Variants in CAMTA1 observed in about 807,000 individuals in gnomAD.
CAMTA1 encodes the protein calmodulin-binding transcription activator 1.
CAMTA1 carries 27 observed loss-of-function variants against 170.9 expected under a neutral mutation model. That is an observed-to-expected ratio of 0.16 (90% CI 0.12 to 0.22). CAMTA1 has a LOEUF of 0.22. CAMTA1 is among the 10% of genes least tolerant of loss of function. The pLI is 1.00. For synonymous variants in CAMTA1, 833 were observed against 891.5 expected (o/e 0.93, Z 1.17); for missense variants, 1,619 against 2,217.2 (o/e 0.73, Z 5.42).
intron 6 of CAMTA1, among the ~76,000 whole-genome samples, chr1:7,513,002 C>A (rs2094223010): frequency 6.6e-6 from 1 of 152,210 alleles, no homozygotes; most frequent in Non-Finnish European, 1.5e-5. Context: ...AAGGCTTGGC[C>A]TCCCACTGAG....
intron 6 of CAMTA1, among the ~76,000 whole-genome samples, chr1:7,600,269 C>A (rs1366231121): frequency 1.3e-5 from 2 of 152,100 alleles, no homozygotes; most frequent in East Asian, 1.9e-4. Context: ...GTTGAACCAG[C>A]CTTGCATCCC....
At chr1:6,958,739 G>A (rs979793559) in intron 3 of CAMTA1, among the ~76,000 whole-genome samples, 4 of 152,188 alleles carry the variant, frequency 2.6e-5, no homozygotes, top group African/African-American at 9.7e-5. Flanking sequence ...CTCCAGGGTG[G>A]CCACATACAG....
chr1:7,705,587 G>T (rs2096511419), intron 11 of CAMTA1, among the ~76,000 whole-genome samples: 1 of 151,638 alleles, frequency 6.6e-6, no homozygotes, highest in Non-Finnish European at 1.5e-5. Context: ...GTGTTGGGGC[G>T]CTCGGCTTCT....
intron 2 of CAMTA1, among the ~76,000 whole-genome samples, chr1:6,824,555 A>T (rs1646891295): frequency 6.6e-6 from 1 of 152,208 alleles, no homozygotes. Flanking sequence ...CTTCTGTATT[A>T]CCTGAGTAGC....
chr1:7,276,316 T>TTC, intron 5 of CAMTA1, among the ~76,000 whole-genome samples: 1 of 109,818 alleles, frequency 9.1e-6, no homozygotes, highest in African/African-American at 4.1e-5. Context: ...TTTTTTTTTT[T>TTC]TTTTTCTTTT....
chr1:7,049,839 G>C (rs1024096599), intron 3 of CAMTA1, among the ~76,000 whole-genome samples: 1 of 152,216 alleles, frequency 6.6e-6, no homozygotes, highest in Non-Finnish European at 1.5e-5. Context: ...CTTAGTGTGT[G>C]TCAGGCACTG....
chr1:7,155,188 G>A (rs1646793562), intron 4 of CAMTA1, among the ~76,000 whole-genome samples: 2 of 152,206 alleles, frequency 1.3e-5, no homozygotes, highest in African/African-American at 4.8e-5. Context: ...TGGGCCGGAG[G>A]AGGCAGCATC....
chr1:7,660,402 G>C (rs2095944975), intron 7 of CAMTA1, among the ~76,000 whole-genome samples: 1 of 152,038 alleles, frequency 6.6e-6, no homozygotes, highest in Non-Finnish European at 1.5e-5. Flanking sequence ...TCCAAGTGTA[G>C]TGACACATGC....
At chr1:7,654,936 G>A (rs1187356230) in intron 7 of CAMTA1, among the ~76,000 whole-genome samples, 8 of 94,550 alleles carry the variant, frequency 8.5e-5, no homozygotes, top group South Asian at 4.0e-4. Flanking sequence ...ACACACACAA[G>A]CACACACCTA....
At chr1:7,693,035 G>A (rs79832377) in intron 11 of CAMTA1, 1 of 152,402 alleles carries the variant, frequency 6.6e-6, no homozygotes, top group African/African-American at 2.4e-5. Flanking sequence ...GCTCATAGGA[G>A]TGCCCTTCAT....
At chr1:6,909,827 G>A (rs552218631) in intron 3 of CAMTA1, among the ~76,000 whole-genome samples, 1 of 152,322 alleles carries the variant, frequency 6.6e-6, no homozygotes, top group East Asian at 1.9e-4. Flanking sequence ...TGGGTCTCCC[G>A]GTTTTCAGGC....
intron 7 of CAMTA1, among the ~76,000 whole-genome samples, chr1:7,654,233 T>TA (rs1385751510): frequency 6.6e-6 from 1 of 151,170 alleles, no homozygotes; most frequent in African/African-American, 2.4e-5. Context: ...ATACAAAACT[T>TA]AGCCAGGCGT....
rs192589171 is a variant in CAMTA1 at position 7,010,743 on chromosome 1, C to T, written c.235-80561C>T. Among the ~76,000 whole-genome samples the T allele has an allele frequency of 3.9e-5, 6 of 152,302 alleles. 1 individual carries two copies. The highest frequency in any genetic ancestry group is 2.6e-4 in the Admixed American group (4 of 15,296). Reference sequence around the variant, plus strand: ...ACTGCCACCCCCAGCCCCAGCCTTCCTTTGTGCCCGTTTCTGAGTAGTAAG... The same window carrying T: ...ACTGCCACCCCCAGCCCCAGCCTTCTTTTGTGCCCGTTTCTGAGTAGTAAG... On this transcript the variant is annotated intron_variant, in intron 3 of 22. Coordinates refer to ENST00000303635, the MANE Select transcript of CAMTA1 (RefSeq NM_015215.4). The surrounding 1 kb of genome is among the most constrained non-coding windows in gnomAD (Gnocchi z 4.4).
At position 7,214,855 on chromosome 1, in the gene CAMTA1, C is replaced by CTTTTTTTT. The variant is rs1353496472; in HGVS notation, c.303-34633_303-34632insTTTTTTTT. On this transcript the variant is annotated intron_variant, in intron 4 of 22. Transcript: ENST00000303635. ...AGACTTTGGTGGAGACTTTTTCTTTCTTTCTTTTTTTTTTTTTTGCCTGTG... is the reference window on the plus strand; with the variant it reads ...AGACTTTGGTGGAGACTTTTTCTTTCTTTTTTTTTTTCTTTTTTTTTTTTTTGCCTGTG... Among the ~76,000 whole-genome samples, 3 of 79,362 alleles carry CTTTTTTTT rather than the reference C, an allele frequency of 3.8e-5. 1 individual carries two copies. Among genetic ancestry groups the CTTTTTTTT allele is most frequent in the African/African-American group, 7.6e-5 (1 of 13,072 alleles). 52.1% of individuals were successfully genotyped at this position (79,362 alleles called of 152,430 possible). A position where few individuals can be genotyped will look rare whatever the true frequency, so the allele number is the denominator to read the frequency against.
At chr1:7,741,989 A>G (rs1355398950) in intron 16 of CAMTA1, among the ~76,000 whole-genome samples, 1 of 150,270 alleles carries the variant, frequency 6.7e-6, no homozygotes, top group Non-Finnish European at 1.5e-5. Context: ...ACTATATGCT[A>G]CTTGTAAGAA....
chr1:7,168,345 G>C (rs978287300), intron 4 of CAMTA1, among the ~76,000 whole-genome samples: 1 of 152,108 alleles, frequency 6.6e-6, no homozygotes, highest in Admixed American at 6.6e-5. Context: ...GCATTACTGA[G>C]CAGATTAGAA....
intron 6 of CAMTA1, among the ~76,000 whole-genome samples, chr1:7,501,304 A>G (rs182291627): frequency 2.7e-4 from 41 of 152,316 alleles, no homozygotes; most frequent in African/African-American, 9.6e-4. Flanking sequence ...TGCAGGCCAC[A>G]GGTCCTGGCA....
In CAMTA1 at chr1:7,013,209, C is replaced by CTTTTTTTTTTTTTT; in HGVS notation, c.235-78085_235-78072dup. ...TCCAGGCCCTGCCTTTGCCCTTCTTCTTTTTTTTTTTTTTTTTTTTTTTGA... is the reference window on the plus strand; with the variant it reads ...TCCAGGCCCTGCCTTTGCCCTTCTTCTTTTTTTTTTTTTTTTTTTTTTTTTTTTTTTTTTTTTGA... On this transcript the variant is annotated intron_variant, in intron 3 of 22. Transcript: ENST00000303635. Among the ~76,000 whole-genome samples, 76 of 84,190 alleles carry CTTTTTTTTTTTTTT rather than the reference C, an allele frequency of 9.0e-4. 10 individuals carry two copies. The highest frequency in any genetic ancestry group is 3.3e-3 in the South Asian group (7 of 2,144). 55.2% of individuals were successfully genotyped at this position (84,190 alleles called of 152,430 possible).
At chr1:7,640,040 C>T (rs1003191151) in intron 6 of CAMTA1, among the ~76,000 whole-genome samples, 39 of 152,104 alleles carry the variant, frequency 2.6e-4, no homozygotes, top group African/African-American at 8.7e-4. Flanking sequence ...GACCTCATGC[C>T]CGTGGTTCCC....
Sources: gnomAD v4.1 joint callset for allele counts (sites outside exome capture counted in the v4.1 genomes callset) on GRCh38, gnomAD v4.1.1 for gene constraint, Gnocchi (gnomAD v3.1) non-coding constraint, MANE v1.5 for transcripts, NCBI Gene and HGNC (gene_info 2026-07-23, HGNC 2026-07-21) for gene names.